The following ASIC2 variants were observed in gnomAD, a reference collection of about 807,000 sequenced individuals.
The protein encoded by ASIC2 is acid sensing ion channel subunit 2, also known as acid-sensing ion channel 2.
Under a neutral mutation model 57.3 loss-of-function variants are expected in ASIC2, and 25 were observed. That is an observed-to-expected ratio of 0.44 (90% CI 0.32 to 0.61). The LOEUF (loss-of-function observed/expected upper bound fraction) is 0.61. Among genes scored for constraint, ASIC2 ranks in the 20% least tolerant of loss-of-function variants. The pLI is 0.06. For synonymous variants in ASIC2, 319 were observed against 307.5 expected (o/e 1.04, Z -0.39); for missense variants, 641 against 738.1 (o/e 0.87, Z 1.52).
At chr17:33,625,994 T>G (rs1257633137) in intron 1 of ASIC2, among the ~76,000 whole-genome samples, 1 of 152,160 alleles carries the variant, frequency 6.6e-6, no homozygotes, top group Admixed American at 6.5e-5. Flanking sequence ...GCCTTTCATG[T>G]TGGTGGTGGA....
intron 1 of ASIC2, among the ~76,000 whole-genome samples, chr17:33,218,324 C>T (rs762562989): frequency 1.3e-5 from 2 of 152,168 alleles, no homozygotes; most frequent in Admixed American, 6.5e-5. Flanking sequence ...TTGGGCTCGA[C>T]ATGTGCTCTC....
At chr17:33,964,001 T>TAGAAC (rs1376480960) in intron 1 of ASIC2, among the ~76,000 whole-genome samples, 1 of 152,172 alleles carries the variant, frequency 6.6e-6, no homozygotes, top group East Asian at 1.9e-4. Context: ...CTTTGTAAGA[T>TAGAAC]AGAACTGTGG....
chr17:33,829,750 T>C (rs1013724949), intron 1 of ASIC2, among the ~76,000 whole-genome samples: 3 of 151,950 alleles, frequency 2.0e-5, no homozygotes, highest in African/African-American at 4.8e-5. Context: ...GTTTTAGTAG[T>C]GATGAGGTTT....
At chr17:33,053,144 C>T (rs143206322) in intron 3 of ASIC2, among the ~76,000 whole-genome samples, 484 of 152,294 alleles carry the variant, frequency 3.2e-3, no homozygotes, top group Admixed American at 8.6e-3. Flanking sequence ...CAGTTAGCCT[C>T]CCCTGCCTAA....
chr17:34,142,499 C>T (rs1023426092), intron 1 of ASIC2, among the ~76,000 whole-genome samples: 3 of 152,156 alleles, frequency 2.0e-5, no homozygotes, highest in African/African-American at 7.2e-5. Context: ...TTATTTAATT[C>T]TCCCCAAATC....
intron 3 of ASIC2, among the ~76,000 whole-genome samples, chr17:33,068,144 G>A (rs1034462712): frequency 8.6e-5 from 13 of 151,988 alleles, no homozygotes; most frequent in African/African-American, 3.1e-4. Context: ...GACTGGACCT[G>A]GGGGGGTGGA....
intron 1 of ASIC2, among the ~76,000 whole-genome samples, chr17:34,115,715 C>T (rs1274509112): frequency 6.6e-6 from 1 of 152,152 alleles, no homozygotes; most frequent in African/African-American, 2.4e-5. Flanking sequence ...TGTCCTATCC[C>T]ACTTCCCTCT....
At chr17:33,236,418 C>T (rs757651127) in intron 1 of ASIC2, among the ~76,000 whole-genome samples, 2 of 152,150 alleles carry the variant, frequency 1.3e-5, no homozygotes, top group Non-Finnish European at 2.9e-5. Context: ...ACAACCACAG[C>T]TCACAACCTT....
intron 3 of ASIC2, among the ~76,000 whole-genome samples, chr17:33,031,825 T>G (rs773480390): frequency 3.8e-4 from 58 of 152,192 alleles, no homozygotes; most frequent in Non-Finnish European, 7.4e-4. Context: ...CTGGATGACT[T>G]GACCCTGTCA....
chr17:33,546,118 T>C (rs901840089), intron 1 of ASIC2, among the ~76,000 whole-genome samples: 1 of 150,604 alleles, frequency 6.6e-6, no homozygotes, highest in Non-Finnish European at 1.5e-5. Context: ...TGTGCATATA[T>C]ATATGTAAAT....
At chr17:33,969,553 G>T (rs1236722850) in intron 1 of ASIC2, among the ~76,000 whole-genome samples, 1 of 152,200 alleles carries the variant, frequency 6.6e-6, no homozygotes, top group Non-Finnish European at 1.5e-5. Flanking sequence ...AGGAAGCAAT[G>T]CAGGGTGCAT....
In ASIC2 at chr17:33,187,174, C is replaced by A. The variant is rs528002882; in HGVS notation, c.709-75107G>T. On this transcript the variant is annotated intron_variant, in intron 1 of 9. Coordinates refer to ENST00000225823, the MANE Select transcript of ASIC2 (RefSeq NM_183377.2). The stretch of plus-strand genomic sequence containing the variant: ...GATGCAGCAAAAACTGCAATACCTG[C>A]AGCTAGCTTTGGTCAACAGAAAGGG... 3.6e-4 allele frequency among the ~76,000 whole-genome samples: 55 copies of A among 152,332 alleles called. 1 individual carries two copies. The highest frequency in any genetic ancestry group is 6.8e-3 in the Middle Eastern group (2 of 294).
Position 34,140,091 on chromosome 17 carries a change from AT to A in ASIC2, c.555+15886del, listed in dbSNP as rs59602023. ...ACAAGTTTTGGGGACAATTGGGGAAATTTGAATATGAATGAAGGGCAGGCTG... is the reference window on the plus strand; with the variant it reads ...ACAAGTTTTGGGGACAATTGGGGAAATTGAATATGAATGAAGGGCAGGCTG... On this transcript the variant is annotated intron_variant, in intron 1 of 9. Coordinates refer to the ASIC2 transcript ENST00000359872. Among the ~76,000 whole-genome samples, 857 of 152,300 alleles carry A rather than the reference AT, an allele frequency of 5.6e-3. 11 individuals are homozygous for A. The highest frequency in any genetic ancestry group is 0.02 in the African/African-American group (819 of 41,552).
chr17:33,039,498 G>T (rs187151376), intron 3 of ASIC2, among the ~76,000 whole-genome samples: 1 of 152,324 alleles, frequency 6.6e-6, no homozygotes, highest in East Asian at 1.9e-4. Flanking sequence ...TTGGACAAAT[G>T]GTTGAGCCTC....
At chr17:33,096,524 GA>G in intron 2 of ASIC2, among the ~76,000 whole-genome samples, 1 of 152,236 alleles carries the variant, frequency 6.6e-6, no homozygotes, top group Admixed American at 6.5e-5. Context: ...CATTTCTCCA[GA>G]GTCCTCGGAC....
At chr17:34,066,308 A>G (rs1293424567) in intron 1 of ASIC2, among the ~76,000 whole-genome samples, 1 of 152,220 alleles carries the variant, frequency 6.6e-6, no homozygotes, top group Non-Finnish European at 1.5e-5. Flanking sequence ...GATCTCTCTA[A>G]GCCACTGGTT....
chr17:33,739,730 G>A (rs1910036480), intron 1 of ASIC2, among the ~76,000 whole-genome samples: 1 of 151,144 alleles, frequency 6.6e-6, no homozygotes, highest in Admixed American at 6.6e-5. Context: ...GATAAAACAT[G>A]TGTGTTATAA....
intron 1 of ASIC2, among the ~76,000 whole-genome samples, chr17:33,232,210 C>T (rs1908117807): frequency 6.6e-6 from 1 of 152,108 alleles, no homozygotes; most frequent in African/African-American, 2.4e-5. Flanking sequence ...GAGAGAGAAA[C>T]TTCCTTTTCC....
chr17:33,749,852 T>C (rs73282794), intron 1 of ASIC2, among the ~76,000 whole-genome samples: 6,410 of 152,060 alleles, frequency 0.042, 441 homozygotes, highest in African/African-American at 0.14. Context: ...AGGTACAGGA[T>C]TGGGGGGCCC....
Sources: gnomAD v4.1 joint callset for allele counts (sites outside exome capture counted in the v4.1 genomes callset) on GRCh38, gnomAD v4.1.1 for gene constraint, MANE v1.5 for transcripts, NCBI Gene and HGNC (gene_info 2026-07-23, HGNC 2026-07-21) for gene names.